The following UBE2F variants were observed in gnomAD, a reference collection of about 807,000 sequenced individuals.
UBE2F encodes the protein ubiquitin conjugating enzyme E2 F (putative).
UBE2F carries 5 observed loss-of-function variants against 29.6 expected under a neutral mutation model. The observed-to-expected ratio is 0.17, with a 90% confidence interval of 0.09 to 0.36. UBE2F has a LOEUF of 0.36. Ranked by LOEUF, UBE2F falls within the 10% of genes least tolerant of loss-of-function variation. The pLI is 1.00. For missense variants in UBE2F, 141 were observed against 228.5 expected, an observed-to-expected ratio of 0.62 and a Z score of 2.47; for synonymous variants, 66 against 81.8, an observed-to-expected ratio of 0.81 and a Z score of 1.04.
intron 2 of UBE2F, among the ~76,000 whole-genome samples, chr2:237,975,294 G>C (rs963477488): frequency 6.6e-6 from 1 of 151,632 alleles, no homozygotes; most frequent in African/African-American, 2.4e-5. Context: ...TTTTTTTGTA[G>C]AGATGGGGTT....
intron 5 of UBE2F, among the ~76,000 whole-genome samples, chr2:238,019,459 C>T (rs541622043): frequency 6.6e-6 from 1 of 151,968 alleles, no homozygotes; most frequent in Non-Finnish European, 1.5e-5. Context: ...CCTCTGCCTG[C>T]GGGTTCAAGT....
At chr2:237,978,887 C>T (rs2063332317) in intron 2 of UBE2F, among the ~76,000 whole-genome samples, 1 of 152,144 alleles carries the variant, frequency 6.6e-6, no homozygotes, top group African/African-American at 2.4e-5. Flanking sequence ...CCATGGTGCT[C>T]CCTACCCCCC....
chr2:237,992,314 A>T (rs1370197065), intron 3 of UBE2F, among the ~76,000 whole-genome samples: 1 of 152,214 alleles, frequency 6.6e-6, no homozygotes, highest in African/African-American at 2.4e-5. Context: ...AGTCAGAATT[A>T]TATGTTTTTG....
chr2:238,016,666 T>C (rs1339842801), intron 5 of UBE2F, 33 bp downstream of exon 5: 2 of 1,593,610 alleles, frequency 1.3e-6, no homozygotes, highest in East Asian at 2.2e-5. Flanking sequence ...GTTGTTTTAC[T>C]TCTCGGGCGG....
chr2:237,999,615 G>A (rs535658820), intron 4 of UBE2F, among the ~76,000 whole-genome samples: 22 of 152,196 alleles, frequency 1.4e-4, no homozygotes, highest in Middle Eastern at 6.8e-3. Context: ...CTGTTTCAAT[G>A]AAAAGACTTT....
intron 9 of UBE2F, among the ~76,000 whole-genome samples, chr2:238,038,089 AGTG>A (rs2064758102): frequency 1.3e-5 from 2 of 152,178 alleles, no homozygotes; most frequent in Non-Finnish European, 2.9e-5. Context: ...GGCCCCAAAG[AGTG>A]GGCAGGAGCA....
chr2:238,028,117 C>T (rs2064477666), intron 6 of UBE2F, among the ~76,000 whole-genome samples: 1 of 152,262 alleles, frequency 6.6e-6, no homozygotes, highest in Non-Finnish European at 1.5e-5. Context: ...GGACTATCCT[C>T]TGTGAGGCCA....
chr2:237,990,595 A>C, intron 3 of UBE2F: 1 of 178,614 alleles, frequency 5.6e-6, no homozygotes, highest in Non-Finnish European at 1.2e-5. Context: ...AATTATTATT[A>C]TTTTTTATAC....
chr2:237,991,039 A>G (rs1486647359), intron 3 of UBE2F, among the ~76,000 whole-genome samples: 1 of 152,232 alleles, frequency 6.6e-6, no homozygotes, highest in Admixed American at 6.5e-5. Flanking sequence ...TTTAAAAACA[A>G]GAAAATTTTA....
intron 2 of UBE2F, among the ~76,000 whole-genome samples, chr2:237,983,077 C>G (rs761961175): frequency 2.6e-5 from 4 of 152,186 alleles, no homozygotes; most frequent in Admixed American, 6.5e-5. Flanking sequence ...TCAAGCGATC[C>G]TCCTGCCTTA....
In UBE2F at chr2:238,020,820, G is replaced by T. The variant is rs777314270; in HGVS notation, c.282+4187G>T. ...TTAGTGGGCTCCTACATTGTGCCAG[G>T]CTCCGTGTCAGACACTGGAGGGCCA... On this transcript the variant is annotated intron_variant, in intron 5 of 9. Transcript: ENST00000272930. Among the ~76,000 whole-genome samples, 7 of 152,166 alleles carry T rather than the reference G, an allele frequency of 4.6e-5. No homozygotes were observed. In the East Asian group the frequency reaches 1.4e-3, roughly 29 times the overall value.
intron 5 of UBE2F, among the ~76,000 whole-genome samples, chr2:238,022,612 G>C (rs1445046921): frequency 6.6e-6 from 1 of 152,058 alleles, no homozygotes; most frequent in East Asian, 1.9e-4. Flanking sequence ...TTTTCTTCTA[G>C]TCCTATAATT....
chr2:238,002,063 A>ACTT (rs2063805922), intron 4 of UBE2F, among the ~76,000 whole-genome samples: 1 of 126,190 alleles, frequency 7.9e-6, no homozygotes, highest in Admixed American at 8.6e-5. Context: ...GAATATCCCA[A>ACTT]TTTTTTTTTT....
rs55984976 is a variant in UBE2F, at chr2:237,984,996, C to CAA, written c.119-2950_119-2949dup. ...GAGGTTGGGAGGTTGTGGAAAAAGG[C>CAA]AAAAAAAAAAAAAAAAAATAGAGAT... is the stretch of plus-strand genomic sequence containing the variant. On this transcript the variant is annotated intron_variant, in intron 2 of 9. Coordinates refer to ENST00000272930, the MANE Select transcript of UBE2F (RefSeq NM_080678.3). Among the ~76,000 whole-genome samples the CAA allele has an allele frequency of 6.2e-5, 8 of 129,978 alleles. 1 individual carries two copies. Among genetic ancestry groups the CAA allele is most frequent in the Non-Finnish European group, 1.0e-4 (6 of 59,518 alleles). 85.3% of individuals were successfully genotyped at this position (129,978 alleles called of 152,430 possible). A position where few individuals can be genotyped will look rare whatever the true frequency, so the allele number is the denominator to read the frequency against.
intron 4 of UBE2F, among the ~76,000 whole-genome samples, chr2:238,006,165 C>T (rs932029416): frequency 3.3e-5 from 5 of 152,124 alleles, no homozygotes; most frequent in Middle Eastern, 3.2e-3. Flanking sequence ...ATAATCCTAG[C>T]GGAAGGCAAA....
chr2:238,014,477 C>T (rs541507275), intron 4 of UBE2F, among the ~76,000 whole-genome samples: 1 of 152,074 alleles, frequency 6.6e-6, no homozygotes, highest in Non-Finnish European at 1.5e-5. Context: ...CATATTAGAC[C>T]AAATAACATC....
Position 237,982,452 on chromosome 2 carries a change from G to A in UBE2F, c.119-5511G>A, listed in dbSNP as rs1284111878. 6.6e-6 allele frequency among the ~76,000 whole-genome samples: 1 copy of A among 152,096 alleles called. No homozygotes were observed. Among genetic ancestry groups the A allele is most frequent in the Non-Finnish European group, 1.5e-5 (1 of 68,018 alleles). ...TGAACCTTTTGCTTGTGTCATGCTG[G>A]CCCCTCTGCTTGCAATCCACAGTCG... On this transcript the variant is annotated intron_variant, in intron 2 of 9. Transcript: ENST00000272930. This position sits in a 1 kb window ranked among gnomAD's most constrained non-coding sequence, Gnocchi z 4.1.
At chr2:238,039,468 C>T (rs1222653682) in intron 9 of UBE2F, among the ~76,000 whole-genome samples, 4 of 152,216 alleles carry the variant, frequency 2.6e-5, no homozygotes, top group East Asian at 3.8e-4. Context: ...GAGCCAGGCA[C>T]GCTTCCATGC....
At chr2:238,025,308 C>A in intron 5 of UBE2F, 34 bp from the exon 6 acceptor site, 2 of 1,584,858 alleles carry the variant, frequency 1.3e-6, no homozygotes, top group Non-Finnish European at 8.7e-7. Flanking sequence ...CAGAGACTGT[C>A]GGCGTGATCT....
Sources: gnomAD v4.1 joint callset for allele counts (sites outside exome capture counted in the v4.1 genomes callset) on GRCh38, gnomAD v4.1.1 for gene constraint, Gnocchi (gnomAD v3.1) non-coding constraint, MANE v1.5 for transcripts, NCBI Gene and HGNC (gene_info 2026-07-23, HGNC 2026-07-21) for gene names.